CIC: variants seen among roughly 807,000 people sequenced by gnomAD.
CIC encodes the protein protein capicua homolog.
CIC carries 18 observed loss-of-function variants against 115.7 expected under a neutral mutation model. That is an observed-to-expected ratio of 0.16 (90% CI 0.11 to 0.23). The LOEUF (loss-of-function observed/expected upper bound fraction) is 0.23. Among genes scored for constraint, CIC ranks in the 10% least tolerant of loss-of-function variants. The pLI, the probability that CIC is intolerant of heterozygous loss-of-function variation, is 1.00. For missense variants in CIC, 2,000 were observed against 2,159.3 expected (o/e 0.93, Z 1.46); for synonymous variants, 1,076 against 923.0 (o/e 1.17, Z -3.01).
At chr19:42,285,906 C>G (rs1326086761) in intron 2 of CIC, among the ~76,000 whole-genome samples, 1 of 152,262 alleles carries the variant, frequency 6.6e-6, no homozygotes, top group African/African-American at 2.4e-5. Context: ...TGCATATCCT[C>G]AAGGAAACAC....
chr19:42,289,609 CAG>C (rs778145700), intron 9 of CIC, among the ~76,000 whole-genome samples: 23 of 152,242 alleles, frequency 1.5e-4, no homozygotes, highest in Non-Finnish European at 2.2e-4. Flanking sequence ...ATCTGGAGGA[CAG>C]GGGGCATGAC....
chr19:42,289,284 C>T lies in CIC; in HGVS notation c.3965C>T (p.Thr1322Ile), dbSNP rs769431731. ...GGTGAGGGAGGTGCCTTGGCGGCCA[C>T]TGGGCGGCCCCCGCTGCTGCCCACC... ...APGEGGALAA[T>I]GRPPLLPTRA... The change falls in exon 9 of 21, where the codon ACT (threonine) becomes ATT (isoleucine). Residue 1322 changes from threonine (T) to isoleucine (I), a missense_variant. Thr to Ile is a moderately conservative substitution (Grantham distance 89). Transcript: ENST00000681038. 1 of 1,613,876 alleles carries T rather than the reference C, an allele frequency of 6.2e-7. No individual in the cohort carries two copies. The highest frequency in any genetic ancestry group is 8.5e-7 in the Non-Finnish European group (1 of 1,180,020).
chr19:42,288,869 G>T lies in CIC; in HGVS notation c.3659-19G>T. ...TGACAGGCTTACTGACTGTCATAGC[G>T]CCACTCTCTACTTTACAGTGTCCTC... On this transcript the variant is annotated intron_variant, in intron 7 of 20. Transcript: ENST00000681038. 6.2e-7 allele frequency: 1 copy of T among 1,611,444 alleles called. No homozygotes were observed. Among genetic ancestry groups the T allele is most frequent in the Non-Finnish European group, 8.5e-7 (1 of 1,177,980 alleles).
Position 42,293,628 on chromosome 19 carries a change from G to T in CIC, c.6559G>T (p.Val2187Phe), listed in dbSNP as rs771163344. 7.4e-6 allele frequency: 12 copies of T among 1,613,468 alleles called. No individual in the cohort carries two copies. Among genetic ancestry groups the T allele is most frequent in the Non-Finnish European group, 1.0e-5 (12 of 1,179,974 alleles). Residue 2187 changes from valine (V) to phenylalanine (F), a missense_variant, in exon 17 of 21, where the codon GTC becomes TTC. Val to Phe is a conservative substitution (Grantham distance 50). Transcript: ENST00000681038. The part of the protein sequence containing the change: ...KFPSSSSDWR[V>F]PGQGLENRGE... ...CCCCAGCTCATCTTCAGACTGGCGC[G>T]TCCCTGGGCAGGGCCTGGAGAATCG...
In CIC at chr19:42,292,200, T is replaced by TCCA; in HGVS notation, c.5732_5734dup (p.Thr1911dup). The TCCA allele has an allele frequency of 6.2e-7, 1 of 1,613,924 alleles. No homozygotes were observed. The highest frequency in any genetic ancestry group is 1.1e-5 in the South Asian group (1 of 91,080). ...GCCTCAGAAGGTCCTGTTGCCCTCC[T>TCCA]CCACCAGGTAATTGCAGCTGAGCCC... is the stretch of plus-strand genomic sequence containing the variant. On this transcript the variant is annotated inframe_insertion, in exon 13 of 21. Coordinates refer to ENST00000681038, the MANE Select transcript of CIC (RefSeq NM_001386298.1).
At position 42,292,588 on chromosome 19, in the gene CIC, T is replaced by C. The variant is rs765280428; in HGVS notation, c.5925T>C (p.Ala1975=). Reference sequence around the variant, plus strand: ...CAGCAGGCCAAGCCCCACTGCTGGCTCCCGGTCAGGTGGGCGTGTCACCTG... The same window carrying C: ...CAGCAGGCCAAGCCCCACTGCTGGCCCCCGGTCAGGTGGGCGTGTCACCTG... ...LLSAGQAPLL[A]PGQVGVSPVP... The change falls in exon 15 of 21, where the codon GCT becomes GCC. Residue 1975 remains alanine, a synonymous_variant. Coordinates refer to ENST00000681038, the MANE Select transcript of CIC (RefSeq NM_001386298.1). 1.9e-6 allele frequency: 3 copies of C among 1,613,302 alleles called. No homozygotes were observed. Among genetic ancestry groups the C allele is most frequent in the Non-Finnish European group, 2.5e-6 (3 of 1,179,900 alleles).
upstream of CIC, among the ~76,000 whole-genome samples, chr19:42,268,824 T>C (rs183870070): frequency 1.6e-4 from 25 of 152,332 alleles, no homozygotes; most frequent in East Asian, 4.6e-3. Flanking sequence ...GGCCACGCCT[T>C]CTACCTCCGT....
rs992956730 is a variant in CIC, at chr19:42,292,989, A to G, written c.6230A>G (p.Lys2077Arg). 1.8e-5 allele frequency: 29 copies of G among 1,613,186 alleles called. No individual in the cohort carries two copies. Among genetic ancestry groups the G allele is most frequent in the Non-Finnish European group, 2.4e-5 (28 of 1,179,888 alleles). Residue 2077 changes from lysine to arginine, a missense_variant, in exon 16 of 21, where the codon AAG becomes AGG. Physicochemically the swap from Lys to Arg is conservative, Grantham distance 26 (BLOSUM62 2). Transcript: ENST00000681038. ...ATGACCTACAGCTTAGTGGCCCCCA[A>G]GGCCCAGCGGCCCAGCCCGAAGGCC... ...GSMTYSLVAP[K>R]AQRPSPKAPQ...
intron 13 of CIC, 25 bp from the exon 14 acceptor site, chr19:42,292,275 C>G: frequency 6.2e-7 from 1 of 1,613,526 alleles, no homozygotes; most frequent in South Asian, 1.1e-5. Context: ...TACCTCACTC[C>G]TCCCCATTTC....
In CIC at chr19:42,293,925, G is replaced by C. The variant is rs200524562; in HGVS notation, c.6768-10G>C. 6.2e-7 allele frequency: 1 copy of C among 1,612,810 alleles called. No homozygotes were observed. Among genetic ancestry groups the C allele is most frequent in the Non-Finnish European group, 8.5e-7 (1 of 1,179,946 alleles). On this transcript the variant is annotated splice_polypyrimidine_tract_variant and intron_variant, in intron 17 of 20. Transcript: ENST00000681038. ...CTGAGGCGGGGGAGGTGACCCTGCC[G>C]GCCCTCCAGCAGGGTCCTGTCAGAA...
rs1599867590 is a variant in CIC, at chr19:42,280,938, A to C, written c.2795-5833A>C. On this transcript the variant is annotated intron_variant, in intron 2 of 20. Coordinates refer to ENST00000681038, the MANE Select transcript of CIC (RefSeq NM_001386298.1). This position sits in a 1 kb window ranked among gnomAD's most constrained non-coding sequence, Gnocchi z 4.9. Reference sequence around the variant, plus strand: ...ACCCCCCCACCCCCGCATCCCACCCATCTCCCAATCCCTGGGGACCATCCC... The same window carrying C: ...ACCCCCCCACCCCCGCATCCCACCCCTCTCCCAATCCCTGGGGACCATCCC... 1.1e-4 allele frequency among the ~76,000 whole-genome samples: 5 copies of C among 47,112 alleles called. No homozygotes were observed. Among genetic ancestry groups the C allele is most frequent in the Admixed American group, 2.1e-4 (1 of 4,778 alleles). The allele number at this position is 47,112 out of a possible 152,430, so 30.9% of individuals were successfully genotyped here.
chr19:42,289,282 C>T lies in CIC; in HGVS notation c.3963C>T (p.Ala1321=). 1 of 1,613,866 alleles carries T rather than the reference C, an allele frequency of 6.2e-7. No individual in the cohort carries two copies. The highest frequency in any genetic ancestry group is 1.1e-5 in the South Asian group (1 of 91,082). The change falls in exon 9 of 21, where the codon GCC becomes GCT. Residue 1321 remains alanine, a synonymous_variant. Transcript: ENST00000681038. ...CTGGTGAGGGAGGTGCCTTGGCGGC[C>T]ACTGGGCGGCCCCCGCTGCTGCCCA... ...AAPGEGGALA[A]TGRPPLLPTR... is the part of the protein sequence containing the mutation.
Position 42,280,520 on chromosome 19 carries a change from C to T in CIC, c.2794+5943C>T, listed in dbSNP as rs1041748344. On this transcript the variant is annotated intron_variant, in intron 2 of 20. Transcript: ENST00000681038. The surrounding 1 kb of genome is among the most constrained non-coding windows in gnomAD (Gnocchi z 4.9). Reference sequence around the variant, plus strand: ...GTCTCGCCCGCTGACCGCTGATTGGCCGAGACCTGCTTCTCCGCCCCTGAG... The same window carrying T: ...GTCTCGCCCGCTGACCGCTGATTGGTCGAGACCTGCTTCTCCGCCCCTGAG... Among the ~76,000 whole-genome samples the T allele has an allele frequency of 3.9e-5, 6 of 152,172 alleles. No individual in the cohort carries two copies. The highest frequency in any genetic ancestry group is 8.8e-5 in the Non-Finnish European group (6 of 68,014).
At chr19:42,294,390 G>A (rs933102497) in intron 19 of CIC, 86 bp downstream of exon 19, 2 of 1,593,670 alleles carry the variant, frequency 1.3e-6, no homozygotes, top group Non-Finnish European at 1.7e-6. Flanking sequence ...GAGAGAGGTA[G>A]GGTGGGTCCA....
rs80348532 is a variant in CIC at position 42,288,760 on chromosome 19, T to C, written c.3659-128T>C. The C allele has an allele frequency of 9.6e-6, 8 of 830,402 alleles. No individual in the cohort carries two copies. The South Asian group carries it at 1.0e-4, about 10-fold the overall frequency. 51.4% of individuals were successfully genotyped at this position (830,402 alleles called of 1,614,324 possible). A position where few individuals can be genotyped will look rare whatever the true frequency, so the allele number is the denominator to read the frequency against. On this transcript the variant is annotated intron_variant, in intron 7 of 20. Coordinates refer to ENST00000681038, the MANE Select transcript of CIC (RefSeq NM_001386298.1). ...GGTGGTGGGTGGTGGTTTTTTTTTT[T>C]CACCAAGTGGCCCAGAAATTCCAGC...
intron 2 of CIC, among the ~76,000 whole-genome samples, chr19:42,285,675 CCTT>C (rs1352893737): frequency 3.3e-5 from 5 of 152,314 alleles, no homozygotes; most frequent in African/African-American, 7.2e-5. Context: ...TTCCCTCCTC[CCTT>C]CTTCATCTTC....
chr19:42,274,150 C>T lies in CIC; in HGVS notation c.2367C>T (p.Ala789=), dbSNP rs1004422949. Residue 789 remains alanine (A), a synonymous_variant, in exon 2 of 21, where the codon GCC becomes GCT. Coordinates refer to ENST00000681038, the MANE Select transcript of CIC (RefSeq NM_001386298.1). ...CATTGCTGCTGTTGCCACCCCCTGCCGGCCTGACCTCGGATCCAGGGCCCT... is the reference window on the plus strand; with the variant it reads ...CATTGCTGCTGTTGCCACCCCCTGCTGGCCTGACCTCGGATCCAGGGCCCT... ...PSPLLLLPPP[A]GLTSDPGPSV... is the part of the protein sequence containing the mutation. The T allele has an allele frequency of 4.5e-5, 18 of 399,278 alleles. No individual in the cohort carries two copies. The highest frequency in any genetic ancestry group is 1.8e-4 in the African/African-American group (9 of 48,672). The allele number at this position is 399,278 out of a possible 1,614,324, so 24.7% of individuals were successfully genotyped here. A position where few individuals can be genotyped will look rare whatever the true frequency, so the allele number is the denominator to read the frequency against.
intron 1 of CIC, among the ~76,000 whole-genome samples, chr19:42,269,728 A>T (rs544729225): frequency 7.8e-6 from 1 of 128,434 alleles, no homozygotes; most frequent in Non-Finnish European, 1.6e-5. Flanking sequence ...TGGGAGGAAT[A>T]GGTGACAGAG....
At position 42,292,325 on chromosome 19, in the gene CIC, G is replaced by A. The variant is rs757618378; in HGVS notation, c.5761G>A (p.Gly1921Arg). 1.7e-5 allele frequency: 28 copies of A among 1,613,034 alleles called. No individual in the cohort carries two copies. The highest frequency in any genetic ancestry group is 2.2e-5 in the Non-Finnish European group (26 of 1,180,008). Reference protein sequence around the residue: ...TRITYVQSAGGHALPLGTSPA... With the variant: ...TRITYVQSAGRHALPLGTSPA... ...AATCACCTATGTGCAGTCAGCGGGC[G>A]GGCACGCGCTGCCCCTGGGTACCAG... is the stretch of plus-strand genomic sequence containing the variant. The change falls in exon 14 of 21, where the codon GGG (glycine) becomes AGG (arginine). Residue 1921 changes from glycine to arginine, a missense_variant. Gly to Arg is a moderately radical substitution (Grantham distance 125). Transcript: ENST00000681038.
Sources: gnomAD v4.1 joint callset for allele counts (sites outside exome capture counted in the v4.1 genomes callset) on GRCh38, gnomAD v4.1.1 for gene constraint, Gnocchi (gnomAD v3.1) non-coding constraint, MANE v1.5 for transcripts, NCBI Gene and HGNC (gene_info 2026-07-23, HGNC 2026-07-21) for gene names.